Variants in ZFYVE1 observed in about 807,000 individuals in gnomAD.
The protein encoded by ZFYVE1 is zinc finger FYVE domain-containing protein 1.
ZFYVE1 carries 30 observed loss-of-function variants against 74.4 expected under a neutral mutation model. The ratio of observed to expected loss-of-function variants is 0.40; its 90% CI spans 0.30 to 0.55. The LOEUF (loss-of-function observed/expected upper bound fraction) is 0.55, where lower values mean the gene tolerates loss of function less well. ZFYVE1 is among the 20% of genes least tolerant of loss of function. ZFYVE1 has a pLI of 0.42. For synonymous variants in ZFYVE1, 335 were observed against 385.1 expected (o/e 0.87, Z 1.52); for missense variants, 703 against 1,011.6 (o/e 0.69, Z 4.14).
At chr14:73,022,163 T>C (rs995500716) in intron 2 of ZFYVE1, among the ~76,000 whole-genome samples, 5 of 152,226 alleles carry the variant, frequency 3.3e-5, no homozygotes, top group African/African-American at 1.2e-4. Flanking sequence ...AAAGACATTA[T>C]CGCTGACAAG....
intron 2 of ZFYVE1, among the ~76,000 whole-genome samples, chr14:73,022,026 T>C (rs993217773): frequency 1.1e-4 from 16 of 152,186 alleles, no homozygotes; most frequent in African/African-American, 3.4e-4. Flanking sequence ...ACAACCAAAC[T>C]ATGACTTTCC....
At chr14:73,020,658 C>A (rs1053228160) in intron 2 of ZFYVE1, among the ~76,000 whole-genome samples, 2 of 152,062 alleles carry the variant, frequency 1.3e-5, no homozygotes, top group African/African-American at 4.8e-5. Flanking sequence ...GGTCGCAGTT[C>A]ATTGTTAATG....
At position 72,977,954 on chromosome 14, in the gene ZFYVE1, C is replaced by T; in HGVS notation, c.1608G>A (p.Arg536=). ...GNQDPVDTVV[R]TEIVHVWPGT... ...CAGGCCACACATGCACAATCTCTGT[C>T]CGCACCACCGTATCCACAGGATCTT... Residue 536 remains arginine (R), a synonymous_variant, in exon 8 of 12, where the codon CGG becomes CGA. Coordinates refer to ENST00000556143, the MANE Select transcript of ZFYVE1 (RefSeq NM_021260.4). The T allele has an allele frequency of 1.2e-6, 2 of 1,614,200 alleles. No individual in the cohort carries two copies. The highest frequency in any genetic ancestry group is 2.2e-5 in the South Asian group (2 of 91,070).
intron 8 of ZFYVE1, among the ~76,000 whole-genome samples, chr14:72,977,100 A>C (rs1893191988): frequency 6.6e-6 from 1 of 152,204 alleles, no homozygotes; most frequent in African/African-American, 2.4e-5. Flanking sequence ...GACATCTGGA[A>C]TTCAAAAGTT....
chr14:72,969,803 A>G lies in ZFYVE1; in HGVS notation c.*1079T>C. 1 of 685,106 alleles carries G rather than the reference A, an allele frequency of 1.5e-6. No individual in the cohort carries two copies. Among genetic ancestry groups the G allele is most frequent in the Non-Finnish European group, 2.6e-6 (1 of 380,668 alleles). 42.4% of individuals were successfully genotyped at this position (685,106 alleles called of 1,614,324 possible). ...TCCTTTGACTTCTCTTGCAAGGACC[A>G]AAGAGATAAATTTTTTCTTTACGAT... On this transcript the variant is annotated 3_prime_UTR_variant, in exon 12 of 12. Transcript: ENST00000556143.
intron 2 of ZFYVE1, among the ~76,000 whole-genome samples, chr14:73,015,817 A>G (rs191021270): frequency 1.3e-4 from 20 of 152,314 alleles, no homozygotes; most frequent in African/African-American, 4.3e-4. Context: ...TTAAAGAAGC[A>G]GTCTTGTTGG....
chr14:72,990,841 C>T (rs913146935), intron 4 of ZFYVE1, among the ~76,000 whole-genome samples: 19 of 151,628 alleles, frequency 1.3e-4, no homozygotes, highest in African/African-American at 4.6e-4. Flanking sequence ...GCTGGGATTA[C>T]AAGAGTCTGC....
chr14:73,005,025 C>T (rs1164830166), intron 2 of ZFYVE1, among the ~76,000 whole-genome samples: 1 of 151,048 alleles, frequency 6.6e-6, no homozygotes, highest in East Asian at 1.9e-4. Context: ...CTATAACCAT[C>T]TTTGCAGGTG....
chr14:73,002,663 G>A (rs1893896590), intron 2 of ZFYVE1, among the ~76,000 whole-genome samples: 1 of 151,796 alleles, frequency 6.6e-6, no homozygotes, highest in South Asian at 2.1e-4. Flanking sequence ...AGAGCTTATG[G>A]CTACTGCAGC....
In ZFYVE1 at chr14:72,981,904, G is replaced by A. The variant is rs766033220; in HGVS notation, c.1204-9C>T. The A allele has an allele frequency of 2.5e-6, 4 of 1,613,472 alleles. No homozygotes were observed. Among genetic ancestry groups the A allele is most frequent in the Non-Finnish European group, 3.4e-6 (4 of 1,179,900 alleles). On this transcript the variant is annotated splice_polypyrimidine_tract_variant and intron_variant, in intron 4 of 11. Coordinates refer to ENST00000556143, the MANE Select transcript of ZFYVE1 (RefSeq NM_021260.4). ...AAGCGGTCACTTAGTGCCTGCCAAG[G>A]AGGGAAGGTGACATATGATGGCACT...
chr14:73,016,764 C>T (rs902173867), intron 2 of ZFYVE1, among the ~76,000 whole-genome samples: 2 of 151,770 alleles, frequency 1.3e-5, no homozygotes, highest in Non-Finnish European at 2.9e-5. Context: ...ATCCCAGCTA[C>T]TCAGGAGGCT....
intron 2 of ZFYVE1, among the ~76,000 whole-genome samples, chr14:73,015,663 C>T (rs936504897): frequency 2.0e-5 from 3 of 152,134 alleles, no homozygotes; most frequent in Non-Finnish European, 4.4e-5. Context: ...GGATTACAGG[C>T]GTGAGCCACC....
rs1471546453 is a variant in ZFYVE1 at position 72,975,506 on chromosome 14, G to C, written c.1806+45C>G. On this transcript the variant is annotated intron_variant, in intron 9 of 11. Transcript: ENST00000556143. The surrounding 1 kb of genome is among the most constrained non-coding windows in gnomAD (Gnocchi z 4.1). ...GCACAGGGCAAAGCGGCATTAAGTAGGATGGGCTGTGCCAGGAGTGGAGGG... is the reference window on the plus strand; with the variant it reads ...GCACAGGGCAAAGCGGCATTAAGTACGATGGGCTGTGCCAGGAGTGGAGGG... 1 of 1,579,784 alleles carries C rather than the reference G, an allele frequency of 6.3e-7. No individual in the cohort carries two copies.
intron 2 of ZFYVE1, among the ~76,000 whole-genome samples, chr14:73,009,748 T>C (rs921267990): frequency 2.0e-5 from 3 of 151,754 alleles, no homozygotes; most frequent in Non-Finnish European, 4.4e-5. Flanking sequence ...AGAGTGAGAC[T>C]CCATCTCAAA....
intron 5 of ZFYVE1, among the ~76,000 whole-genome samples, chr14:72,980,585 T>A (rs1232571242): frequency 4.9e-5 from 7 of 141,986 alleles, no homozygotes; most frequent in African/African-American, 1.5e-4. Context: ...TTATTTATTT[T>A]GAGAAAGAGT....
In ZFYVE1 at chr14:72,975,671, G is replaced by A. The variant is rs139201234; in HGVS notation, c.1686C>T (p.Asp562=). 486 of 1,614,116 alleles carry A rather than the reference G, an allele frequency of 3.0e-4. 2 individuals carry two copies. The East Asian group carries it at 9.1e-3, about 30-fold the overall frequency. The change falls in exon 9 of 12, where the codon GAC becomes GAT. Residue 562 remains aspartate (D), a synonymous_variant. Coordinates refer to ENST00000556143, the MANE Select transcript of ZFYVE1 (RefSeq NM_021260.4). The surrounding 1 kb of genome is among the most constrained non-coding windows in gnomAD (Gnocchi z 4.1). ...CCGACTGAGCCATGAAGTTCATCCC[G>A]TCCAACAGGCGCTGGGCAGCATTGT... ...DNNNAAQRLL[D]GMNFMAQSVS... is the part of the protein sequence containing the mutation.
chr14:73,010,768 TAAAA>T (rs35771113), intron 2 of ZFYVE1, among the ~76,000 whole-genome samples: 2 of 58,984 alleles, frequency 3.4e-5, no homozygotes, highest in Non-Finnish European at 5.8e-5. Context: ...AGACTCCATC[TAAAA>T]AAAAAAAAAA....
At chr14:73,015,964 CG>C (rs1939008447) in intron 2 of ZFYVE1, among the ~76,000 whole-genome samples, 1 of 150,568 alleles carries the variant, frequency 6.6e-6, no homozygotes, top group Admixed American at 6.7e-5. Flanking sequence ...AACACAAGAA[CG>C]AAGAAAAACA....
At chr14:73,020,527 T>C (rs1894296421) in intron 2 of ZFYVE1, among the ~76,000 whole-genome samples, 1 of 152,132 alleles carries the variant, frequency 6.6e-6, no homozygotes, top group Non-Finnish European at 1.5e-5. Flanking sequence ...TAATTTTTTG[T>C]ATTTTTAGTA....
Sources: gnomAD v4.1 joint callset for allele counts (sites outside exome capture counted in the v4.1 genomes callset) on GRCh38, gnomAD v4.1.1 for gene constraint, Gnocchi (gnomAD v3.1) non-coding constraint, MANE v1.5 for transcripts, NCBI Gene and HGNC (gene_info 2026-07-23, HGNC 2026-07-21) for gene names.